Variants in TIAM1 observed in about 807,000 individuals in gnomAD.
TIAM1 encodes the protein TIAM Rac1 associated GEF 1, also known as rho guanine nucleotide exchange factor TIAM1.
TIAM1 carries 65 observed loss-of-function variants against 163.5 expected under a neutral mutation model. The ratio of observed to expected loss-of-function variants is 0.40; its 90% CI spans 0.33 to 0.49. TIAM1 has a LOEUF of 0.49. TIAM1 is among the 20% of genes least tolerant of loss of function. The probability of loss-of-function intolerance (pLI) is 0.77; values close to 1 mark genes in which losing one functional copy is unlikely to be tolerated. For missense variants in TIAM1, 1,789 were observed against 2,044.7 expected, an observed-to-expected ratio of 0.87 and a Z score of 2.41; for synonymous variants, 833 against 810.1, an observed-to-expected ratio of 1.03 and a Z score of -0.48.
chr21:31,248,501 C>T (rs2071625180), intron 5 of TIAM1, among the ~76,000 whole-genome samples: 1 of 152,206 alleles, frequency 6.6e-6, no homozygotes, highest in Admixed American at 6.5e-5. Context: ...GGAACATAAT[C>T]TGTACGTTCT....
At chr21:31,202,153 C>T (rs1371576782) in intron 12 of TIAM1, among the ~76,000 whole-genome samples, 1 of 152,012 alleles carries the variant, frequency 6.6e-6, no homozygotes, top group African/African-American at 2.4e-5. Context: ...TTTCACCCAA[C>T]AAGATTTGAT....
chr21:31,140,075 TTA>T (rs1164861709), intron 22 of TIAM1, among the ~76,000 whole-genome samples: 2 of 152,202 alleles, frequency 1.3e-5, no homozygotes, highest in Non-Finnish European at 2.9e-5. Flanking sequence ...GTAAAATAAA[TTA>T]TGAGAGGTCA....
intron 14 of TIAM1, among the ~76,000 whole-genome samples, chr21:31,183,546 T>A (rs1386400899): frequency 6.6e-6 from 1 of 152,128 alleles, no homozygotes. Context: ...CAGGCAAAGA[T>A]AAATTGCAGG....
intron 2 of TIAM1, among the ~76,000 whole-genome samples, chr21:31,289,746 CAATTCCTGGG>C (rs2146909081): frequency 6.6e-6 from 1 of 152,314 alleles, no homozygotes; most frequent in East Asian, 1.9e-4. Flanking sequence ...AATATAAAGG[CAATTCCTGGG>C]GAGTCATGGG....
At chr21:31,150,776 T>C (rs2083336473) in intron 19 of TIAM1, among the ~76,000 whole-genome samples, 1 of 152,176 alleles carries the variant, frequency 6.6e-6, no homozygotes, top group Admixed American at 6.5e-5. Flanking sequence ...TGAAGGGCAC[T>C]GTCAAGAAAA....
intron 2 of TIAM1, among the ~76,000 whole-genome samples, chr21:31,338,728 C>T (rs182643588): frequency 1.7e-3 from 260 of 152,236 alleles, no homozygotes; most frequent in African/African-American, 5.7e-3. Flanking sequence ...CTGTGAAAGC[C>T]CCAAGCCTGT....
intron 2 of TIAM1, among the ~76,000 whole-genome samples, chr21:31,325,488 CA>C (rs1353975296): frequency 1.3e-5 from 2 of 151,818 alleles, no homozygotes; most frequent in African/African-American, 2.4e-5. Context: ...GCCAACACGG[CA>C]AAACCCTGTC....
At chr21:31,287,527 G>A (rs1002335038) in intron 2 of TIAM1, among the ~76,000 whole-genome samples, 12 of 152,160 alleles carry the variant, frequency 7.9e-5, no homozygotes, top group Admixed American at 3.9e-4. Flanking sequence ...AGAGGCTCTC[G>A]GTTGAACCTG....
chr21:31,140,647 T>C (rs1568901202), intron 22 of TIAM1, among the ~76,000 whole-genome samples: 1 of 151,940 alleles, frequency 6.6e-6, no homozygotes, highest in African/African-American at 2.4e-5. Context: ...TTCTCAGGTG[T>C]ATCTGTTCCT....
Position 31,182,496 on chromosome 21 carries a change from C to T in TIAM1, c.2812G>A (p.Glu938Lys). Residue 938 changes from glutamate to lysine, a missense_variant, in exon 15 of 28, where the codon GAA becomes AAA. This residue lies in a region of TIAM1 where 303 missense variants were observed against 321.3 expected (regional missense o/e 0.94). Transcript: ENST00000541036. ...PELEEGVELL[E>K]SPPHRVDGPA... ...CCGTCCACTCGGTGGGGCGGGCTTT[C>T]CAGCAGCTCCACTCCTTCCTCCAGC... 6.2e-7 allele frequency: 1 copy of T among 1,611,974 alleles called. No homozygotes were observed. The highest frequency in any genetic ancestry group is 8.5e-7 in the Non-Finnish European group (1 of 1,179,346).
chr21:31,145,308 T>C (rs188147894), intron 20 of TIAM1, among the ~76,000 whole-genome samples: 325 of 152,264 alleles, frequency 2.1e-3, no homozygotes, highest in African/African-American at 7.6e-3. Flanking sequence ...CTTCCTATAA[T>C]AGGTTTTAAA....
rs148347848 is a variant in TIAM1, at chr21:31,524,451, G to A, written c.-422+34476C>T. Among the ~76,000 whole-genome samples, 18 of 152,238 alleles carry A rather than the reference G, an allele frequency of 1.2e-4. 1 individual carries two copies. The highest frequency in any genetic ancestry group is 3.9e-4 in the East Asian group (2 of 5,174). ...CCCACCAGGCCCCTCCTCCAACACC[G>A]GGAGTTAATCTTAACAAGAGATTTG... On this transcript the variant is annotated intron_variant, in intron 1 of 28. Coordinates refer to the TIAM1 transcript ENST00000286827.
chr21:31,155,364 A>G (rs1956555008), intron 16 of TIAM1, among the ~76,000 whole-genome samples: 1 of 152,180 alleles, frequency 6.6e-6, no homozygotes, highest in African/African-American at 2.4e-5. Context: ...TTTCATCAGA[A>G]TCTCTGGGGT....
rs368466830 is a variant in TIAM1 at position 31,283,875 on chromosome 21, G to T, written c.-188-6967C>A. Among the ~76,000 whole-genome samples, 80 of 152,190 alleles carry T rather than the reference G, an allele frequency of 5.3e-4. No homozygotes were observed. In the South Asian group the frequency reaches 8.5e-3, roughly 16 times the overall value. On this transcript the variant is annotated intron_variant, in intron 2 of 27. Coordinates refer to ENST00000541036, the MANE Select transcript of TIAM1 (RefSeq NM_001353694.2). ...CATTTCTTAAAGCCGCAAAGCTACT[G>T]AACACTTGGGAATTCCACCCAACAC...
intron 4 of TIAM1, among the ~76,000 whole-genome samples, chr21:31,253,087 T>C (rs2071905758): frequency 1.3e-5 from 2 of 152,344 alleles, no homozygotes; most frequent in South Asian, 2.1e-4. Flanking sequence ...CTGAAATCAG[T>C]ATCTTAATTG....
chr21:31,522,778 T>C lies in TIAM1; in HGVS notation c.-422+36149A>G, dbSNP rs149796335. On this transcript the variant is annotated intron_variant, in intron 1 of 28. Coordinates refer to the TIAM1 transcript ENST00000286827. ...CCAAATGGGATCACTGGCTATAACATATCAAGAATTGGAAATAGTGATGAC... is the reference window on the plus strand; with the variant it reads ...CCAAATGGGATCACTGGCTATAACACATCAAGAATTGGAAATAGTGATGAC... 3.1e-4 allele frequency among the ~76,000 whole-genome samples: 47 copies of C among 152,290 alleles called. No individual in the cohort carries two copies. In the East Asian group the frequency reaches 6.4e-3, roughly 21 times the overall value.
At chr21:31,236,611 G>A (rs1479920083) in intron 6 of TIAM1, among the ~76,000 whole-genome samples, 1 of 152,138 alleles carries the variant, frequency 6.6e-6, no homozygotes, top group Non-Finnish European at 1.5e-5. Context: ...GTACATTTAA[G>A]TTCTGAGTTG....
At chr21:31,498,194 G>C (rs139285142) in intron 1 of TIAM1, among the ~76,000 whole-genome samples, 1 of 152,282 alleles carries the variant, frequency 6.6e-6, no homozygotes, top group East Asian at 1.9e-4. Context: ...CTGAAGGAAA[G>C]AGATTCTTGG....
intron 1 of TIAM1, among the ~76,000 whole-genome samples, chr21:31,526,158 T>C (rs371582600): frequency 8.2e-4 from 124 of 151,714 alleles, no homozygotes; most frequent in Non-Finnish European, 1.4e-3. Context: ...CAGGCAGGGG[T>C]GCCACCCCCA....
Sources: allele counts gnomAD v4.1 joint callset (sites outside exome capture counted in the v4.1 genomes callset), GRCh38; gene constraint gnomAD v4.1.1; regional missense constraint gnomAD v4.1.1; transcripts MANE v1.5; gene names NCBI Gene and HGNC (gene_info 2026-07-23, HGNC 2026-07-21).